ESRRB: variants seen among roughly 807,000 people sequenced by gnomAD.
The protein encoded by ESRRB is estrogen related receptor beta.
A neutral mutation model predicts 46.0 loss-of-function variants in ESRRB; 16 were observed. The ratio of observed to expected loss-of-function variants is 0.35; its 90% CI spans 0.24 to 0.53. ESRRB has a LOEUF of 0.53. Among genes scored for constraint, ESRRB ranks in the 20% least tolerant of loss-of-function variants. ESRRB has a pLI of 0.93. For synonymous variants in ESRRB, 246 were observed against 259.6 expected (o/e 0.95, Z 0.50); for missense variants, 488 against 607.4 (o/e 0.80, Z 2.07).
intron 2 of ESRRB, among the ~76,000 whole-genome samples, chr14:76,454,282 A>C (rs1183503010): frequency 6.6e-6 from 1 of 152,168 alleles, no homozygotes; most frequent in Non-Finnish European, 1.5e-5. Context: ...TATTCAACAG[A>C]TATTAATCGA....
In ESRRB at chr14:76,439,509, C is replaced by G. The variant is rs529527792; in HGVS notation, c.219C>G (p.His73Gln). The G allele has an allele frequency of 1.7e-5, 28 of 1,613,090 alleles. No homozygotes were observed. In the East Asian group the frequency reaches 6.0e-4, roughly 35 times the overall value. The change falls in exon 2 of 7, where the codon CAC becomes CAG. Residue 73 changes from histidine (H) to glutamine (Q), a missense_variant. His to Gln is a conservative substitution (Grantham distance 24, BLOSUM62 0). Coordinates refer to ENST00000644823, the MANE Select transcript of ESRRB (RefSeq NM_001379180.1). ...GCTTTGGCCTGGCCCTGGGCACCCA[C>G]GCCAACGGTCTGGACTCGCCACCCA... Reference protein sequence around the residue: ...SGGFGLALGTHANGLDSPPMF... With the variant: ...SGGFGLALGTQANGLDSPPMF...
chr14:76,493,372 C>G (rs1023581347), intron 6 of ESRRB, among the ~76,000 whole-genome samples: 7 of 152,046 alleles, frequency 4.6e-5, no homozygotes, highest in Non-Finnish European at 8.8e-5. Flanking sequence ...CCAGGCTGGT[C>G]TCAAACTCCT....
intron 1 of ESRRB, among the ~76,000 whole-genome samples, chr14:76,340,610 C>T (rs1884180552): frequency 1.3e-5 from 2 of 152,180 alleles, no homozygotes; most frequent in East Asian, 1.9e-4. Context: ...TTCTCCCCAT[C>T]CCCACCTTTC....
At chr14:76,442,505 A>G (rs918510317) in intron 2 of ESRRB, among the ~76,000 whole-genome samples, 36 of 152,156 alleles carry the variant, frequency 2.4e-4, no homozygotes, top group African/African-American at 7.5e-4. Context: ...TTAAAAAATA[A>G]AAATAAAAAG....
chr14:76,484,453 G>T (rs907329846), intron 5 of ESRRB, among the ~76,000 whole-genome samples: 24 of 152,334 alleles, frequency 1.6e-4, no homozygotes, highest in African/African-American at 5.5e-4. Context: ...AGACACTTCA[G>T]CCTGGATTGC....
chr14:76,477,328 G>A (rs1184162300), intron 3 of ESRRB, among the ~76,000 whole-genome samples: 1 of 152,204 alleles, frequency 6.6e-6, no homozygotes, highest in African/African-American at 2.4e-5. Context: ...CCAGCATGAG[G>A]TGGCCTGTGA....
chr14:76,458,251 C>A (rs140884802), intron 2 of ESRRB, among the ~76,000 whole-genome samples: 22 of 152,186 alleles, frequency 1.4e-4, no homozygotes, highest in Non-Finnish European at 2.2e-4. Context: ...CTCCTAGGCC[C>A]GCCTCAAGAG....
At chr14:76,318,114 C>T (rs1290630884) in intron 1 of ESRRB, among the ~76,000 whole-genome samples, 1 of 152,134 alleles carries the variant, frequency 6.6e-6, no homozygotes, top group East Asian at 1.9e-4. Flanking sequence ...TTGTAGAGAC[C>T]CTAGTTTTGT....
In ESRRB at chr14:76,442,816, C is replaced by CTTT. The variant is rs1245748328; in HGVS notation, c.460+3080_460+3082dup. ...ATTTCTTTTTTCTTTTCTTTTTTTT[C>CTTT]TTTTTTTTTTTTTTTTGAGACAGAG... On this transcript the variant is annotated intron_variant, in intron 2 of 6. Coordinates refer to ENST00000644823, the MANE Select transcript of ESRRB (RefSeq NM_001379180.1). 6.2e-4 allele frequency among the ~76,000 whole-genome samples: 81 copies of CTTT among 131,084 alleles called. 1 individual carries two copies. The highest frequency in any genetic ancestry group is 4.2e-3 in the Middle Eastern group (1 of 240). The allele number at this position is 131,084 out of a possible 152,430, so 86.0% of individuals were successfully genotyped here. A position where few individuals can be genotyped will look rare whatever the true frequency, so the allele number is the denominator to read the frequency against.
chr14:76,377,549 C>T lies in ESRRB; in HGVS notation c.50+1098C>T, dbSNP rs147735767. Among the ~76,000 whole-genome samples the T allele has an allele frequency of 1.8e-4, 28 of 152,336 alleles. No homozygotes were observed. The East Asian group carries it at 5.2e-3, about 28-fold the overall frequency. On this transcript the variant is annotated intron_variant, in intron 1 of 6. Transcript: ENST00000644823. ...ACATAAAACTCTAGGTTCTTACGGA[C>T]AGCTTTCCTGCTTAACTTTGTGCTC...
At chr14:76,396,882 G>A (rs944087730) in intron 1 of ESRRB, among the ~76,000 whole-genome samples, 4 of 152,212 alleles carry the variant, frequency 2.6e-5, no homozygotes, top group Non-Finnish European at 4.4e-5. Context: ...TCCACTTCAC[G>A]CCTCATGGAG....
chr14:76,389,996 G>T (rs552301336), intron 1 of ESRRB, among the ~76,000 whole-genome samples: 2 of 152,150 alleles, frequency 1.3e-5, no homozygotes, highest in African/African-American at 4.8e-5. Context: ...GCCATGATGG[G>T]AGTATTTACA....
chr14:76,323,306 CT>C (rs57281578), intron 1 of ESRRB, among the ~76,000 whole-genome samples: 25,666 of 138,074 alleles, frequency 0.19, 1,359 homozygotes, highest in East Asian at 0.34. Flanking sequence ...CTCTCTTTCT[CT>C]TTTTTTTTTT....
chr14:76,448,313 G>GTTACATTTACTTACC (rs1888237117), intron 2 of ESRRB, among the ~76,000 whole-genome samples: 1 of 148,456 alleles, frequency 6.7e-6, no homozygotes. Flanking sequence ...AAGGCACAGG[G>GTTACATTTACTTACC]TTACATTTAC....
chr14:76,439,822 G>A, intron 2 of ESRRB, 72 bp downstream of exon 2: 1 of 1,532,578 alleles, frequency 6.5e-7, no homozygotes, highest in Non-Finnish European at 8.9e-7. Context: ...TCTGGCAGAA[G>A]CCCTAGGAAT....
intron 1 of ESRRB, among the ~76,000 whole-genome samples, chr14:76,385,963 A>G (rs1210278419): frequency 1.3e-5 from 2 of 152,200 alleles, no homozygotes; most frequent in African/African-American, 4.8e-5. Flanking sequence ...AGCACCAGGC[A>G]TATAGTAGGT....
upstream of ESRRB, among the ~76,000 whole-genome samples, chr14:76,374,667 G>A (rs768620535): frequency 6.6e-5 from 10 of 152,102 alleles, no homozygotes; most frequent in Non-Finnish European, 1.5e-4. Context: ...CAGGCTCAAG[G>A]GAAGCATCCC....
chr14:76,481,196 G>A (rs1889792650), intron 3 of ESRRB, among the ~76,000 whole-genome samples: 1 of 152,222 alleles, frequency 6.6e-6, no homozygotes, highest in African/African-American at 2.4e-5. Context: ...TAGCCAGTCT[G>A]AGCTGTGTGT....
chr14:76,341,569 G>A, intron 1 of ESRRB, among the ~76,000 whole-genome samples: 1 of 152,202 alleles, frequency 6.6e-6, no homozygotes, highest in East Asian at 1.9e-4. Context: ...AAGTTTCCTA[G>A]GGAAGATGGG....
Sources: allele counts gnomAD v4.1 joint callset (sites outside exome capture counted in the v4.1 genomes callset), GRCh38; gene constraint gnomAD v4.1.1; transcripts MANE v1.5; gene names NCBI Gene and HGNC (gene_info 2026-07-23, HGNC 2026-07-21).